CACNA2D1: variants seen among roughly 807,000 people sequenced by gnomAD.
CACNA2D1 encodes the protein calcium voltage-gated channel auxiliary subunit alpha2delta 1.
CACNA2D1 carries 53 observed loss-of-function variants against 171.5 expected under a neutral mutation model. That is an observed-to-expected ratio of 0.31 (90% confidence interval 0.25 to 0.39). The LOEUF is 0.39. Among genes scored for constraint, CACNA2D1 ranks in the 10% least tolerant of loss-of-function variants. The probability of loss-of-function intolerance (pLI) is 1.00; values close to 1 mark genes in which losing one functional copy is unlikely to be tolerated. For synonymous variants in CACNA2D1, 442 were observed against 443.1 expected, an observed-to-expected ratio of 1.00 and a Z score of 0.03; for missense variants, 903 against 1,299.8, an observed-to-expected ratio of 0.69 and a Z score of 4.69.
intron 3 of CACNA2D1, among the ~76,000 whole-genome samples, chr7:82,244,238 A>G (rs1301707130): frequency 6.6e-6 from 1 of 151,930 alleles, no homozygotes; most frequent in Non-Finnish European, 1.5e-5. Flanking sequence ...AGCTTCATTT[A>G]TTAGGATTTT....
At position 82,395,353 on chromosome 7, in the gene CACNA2D1, T is replaced by C. The variant is rs1825656222; in HGVS notation, c.96-45704A>G. On this transcript the variant is annotated intron_variant, in intron 1 of 38. Transcript: ENST00000356860. ...CAGTCTGATTCCAGGACAGCTTCCC[T>C]TACACCATGTGGTTTGCTGCCATGG... 3.3e-5 allele frequency among the ~76,000 whole-genome samples: 5 copies of C among 152,218 alleles called. No homozygotes were observed. The South Asian group carries it at 1.0e-3, about 32-fold the overall frequency.
intron 3 of CACNA2D1, among the ~76,000 whole-genome samples, chr7:82,217,910 A>ATTATTTAT (rs60997591): frequency 0.11 from 15,388 of 143,718 alleles, 919 homozygotes; most frequent in African/African-American, 0.12. Flanking sequence ...CCAAGACTAC[A>ATTATTTAT]TTATTTATTT....
intron 34 of CACNA2D1, 80 bp from the exon 35 acceptor site, chr7:81,962,575 TTTCCCTTTATCTTTTTGG>T: frequency 3.7e-6 from 3 of 821,110 alleles, no homozygotes; most frequent in Non-Finnish European, 6.1e-6. Flanking sequence ...ATAAATACTG[TTTCCCTTTATCTTTTTGG>T]GAAAGAAAGT....
chr7:82,320,676 A>G (rs1462436646), intron 3 of CACNA2D1, among the ~76,000 whole-genome samples: 1 of 151,354 alleles, frequency 6.6e-6, no homozygotes. Context: ...CAGCCTCCCA[A>G]AATGTTGAGA....
chr7:82,369,538 A>T lies in CACNA2D1; in HGVS notation c.96-19889T>A, dbSNP rs150179803. 4.7e-3 allele frequency among the ~76,000 whole-genome samples: 716 copies of T among 152,186 alleles called. 4 individuals carry two copies. Among genetic ancestry groups the T allele is most frequent in the African/African-American group, 0.017 (695 of 41,532 alleles). On this transcript the variant is annotated intron_variant, in intron 1 of 38. Transcript: ENST00000356860. ...TAAAATTAATGTGTATATTCATTAC[A>T]TCACAAGAAATTGTAAGAAGTTATT...
chr7:82,392,903 C>T (rs1585783906), intron 1 of CACNA2D1, among the ~76,000 whole-genome samples: 1 of 151,896 alleles, frequency 6.6e-6, no homozygotes, highest in East Asian at 1.9e-4. Context: ...TTAGCCCTAA[C>T]CCTGAAAGAT....
chr7:82,005,617 A>T, intron 17 of CACNA2D1, 120 bp from the exon 18 acceptor site: 1 of 867,208 alleles, frequency 1.2e-6, no homozygotes, highest in Non-Finnish European at 1.9e-6. Context: ...GATAACATGG[A>T]ATCATTTTAT....
intron 6 of CACNA2D1, among the ~76,000 whole-genome samples, chr7:82,115,015 A>G (rs1788879001): frequency 6.6e-6 from 1 of 152,226 alleles, no homozygotes; most frequent in Admixed American, 6.5e-5. Flanking sequence ...AGATATCAAC[A>G]ATACAAAACC....
intron 6 of CACNA2D1, among the ~76,000 whole-genome samples, chr7:82,087,268 T>A (rs1810583226): frequency 6.6e-6 from 1 of 152,164 alleles, no homozygotes; most frequent in Non-Finnish European, 1.5e-5. Flanking sequence ...ACAGTCTTTT[T>A]ATGGATGTCT....
intron 4 of CACNA2D1, among the ~76,000 whole-genome samples, chr7:82,153,634 A>G (rs1208199226): frequency 1.3e-5 from 2 of 152,088 alleles, no homozygotes; most frequent in South Asian, 4.1e-4. Flanking sequence ...TACGAATTCC[A>G]ATGCCTTAAA....
intron 4 of CACNA2D1, among the ~76,000 whole-genome samples, chr7:82,145,002 G>A (rs1792815471): frequency 6.6e-6 from 1 of 151,650 alleles, no homozygotes; most frequent in Non-Finnish European, 1.5e-5. Flanking sequence ...TGCTCAGCCT[G>A]ATTTAGGTTA....
rs34180150 is a variant in CACNA2D1 at position 82,432,037 on chromosome 7, TAAA to T, written c.95+11325_95+11327del. Reference sequence around the variant, plus strand: ...TGGGCAACAGAACAAGACTCTGTCTTAAAAAAAAAAAAAAAAAAAAATTGGAGA... The same window carrying T: ...TGGGCAACAGAACAAGACTCTGTCTTAAAAAAAAAAAAAAAAAATTGGAGA... On this transcript the variant is annotated intron_variant, in intron 1 of 38. Transcript: ENST00000356860. Among the ~76,000 whole-genome samples the T allele has an allele frequency of 7.3e-5, 6 of 82,232 alleles. No homozygotes were observed. The South Asian group carries it at 1.3e-3, about 18-fold the overall frequency. 53.9% of individuals were successfully genotyped at this position (82,232 alleles called of 152,430 possible).
At chr7:82,101,092 G>A (rs1261298873) in intron 6 of CACNA2D1, among the ~76,000 whole-genome samples, 2 of 151,934 alleles carry the variant, frequency 1.3e-5, no homozygotes, top group Non-Finnish European at 2.9e-5. Flanking sequence ...TATCCTGGAG[G>A]ATTCTTATTT....
intron 31 of CACNA2D1, among the ~76,000 whole-genome samples, chr7:81,966,143 T>G (rs1374239163): frequency 6.6e-6 from 1 of 151,706 alleles, no homozygotes; most frequent in African/African-American, 2.4e-5. Flanking sequence ...AGATTAAAAA[T>G]ATGTAGTTGG....
chr7:82,319,626 G>C (rs1202850559), intron 3 of CACNA2D1, among the ~76,000 whole-genome samples: 1 of 152,174 alleles, frequency 6.6e-6, no homozygotes, highest in Non-Finnish European at 1.5e-5. Flanking sequence ...CAGGCAGTAA[G>C]ATATAGGGCA....
At chr7:82,225,750 G>A (rs1436222378) in intron 3 of CACNA2D1, among the ~76,000 whole-genome samples, 1 of 152,098 alleles carries the variant, frequency 6.6e-6, no homozygotes, top group Non-Finnish European at 1.5e-5. Flanking sequence ...AAAGTTGCTG[G>A]TTTCAGTCAT....
intron 15 of CACNA2D1, among the ~76,000 whole-genome samples, chr7:82,011,633 A>C (rs982224137): frequency 6.6e-6 from 1 of 152,202 alleles, no homozygotes; most frequent in African/African-American, 2.4e-5. Context: ...AAAAGATTAT[A>C]TTAATACATG....
intron 3 of CACNA2D1, among the ~76,000 whole-genome samples, chr7:82,290,780 G>C (rs1811426663): frequency 1.3e-5 from 2 of 151,638 alleles, no homozygotes; most frequent in African/African-American, 4.8e-5. Context: ...ATTTTTAGTA[G>C]AGATGGGGTT....
intron 4 of CACNA2D1, among the ~76,000 whole-genome samples, chr7:82,138,055 T>C (rs1279730448): frequency 1.3e-5 from 2 of 152,168 alleles, no homozygotes; most frequent in Non-Finnish European, 2.9e-5. Context: ...TAGAATATAA[T>C]AAAGTTAAAA....
Sources: allele counts gnomAD v4.1 joint callset (sites outside exome capture counted in the v4.1 genomes callset), GRCh38; gene constraint gnomAD v4.1.1; transcripts MANE v1.5; gene names NCBI Gene and HGNC (gene_info 2026-07-23, HGNC 2026-07-21).